The following CRYBG1 variants were observed in gnomAD, a reference collection of about 807,000 sequenced individuals.
The protein encoded by CRYBG1 is beta/gamma crystallin domain-containing protein 1.
In CRYBG1, 139 loss-of-function variants were observed where a neutral mutation model predicts 189.2. The observed-to-expected ratio is 0.73, with a 90% CI of 0.64 to 0.85. CRYBG1 has a LOEUF of 0.85. Ranked by LOEUF, CRYBG1 falls within the 40% of genes least tolerant of loss-of-function variation. The pLI, the probability that CRYBG1 is intolerant of heterozygous loss-of-function variation, is 0.00. For missense variants in CRYBG1, 2,611 were observed against 2,675.8 expected (o/e 0.98, Z 0.53); for synonymous variants, 1,023 against 1,017.1 (o/e 1.01, Z -0.11).
intron 3 of CRYBG1, 137 bp downstream of exon 3, chr6:106,513,176 A>G (rs1201163096): frequency 8.3e-6 from 9 of 1,079,532 alleles, no homozygotes; most frequent in Admixed American, 2.8e-5. Flanking sequence ...AACTTAAGAT[A>G]GTGAAGGGCC....
chr6:106,549,730 G>A (rs1043483510), intron 13 of CRYBG1, among the ~76,000 whole-genome samples: 1 of 152,224 alleles, frequency 6.6e-6, no homozygotes. Flanking sequence ...ATGGCTGGGA[G>A]TGAGTGCACA....
intron 16 of CRYBG1, among the ~76,000 whole-genome samples, chr6:106,554,055 C>A (rs548297871): frequency 6.6e-6 from 1 of 152,220 alleles, no homozygotes; most frequent in South Asian, 2.1e-4. Context: ...ACAGGAAACA[C>A]AAGACCCAGG....
At chr6:106,478,142 A>G (rs888394224) in intron 2 of CRYBG1, among the ~76,000 whole-genome samples, 9 of 152,244 alleles carry the variant, frequency 5.9e-5, no homozygotes, top group Admixed American at 5.9e-4. Flanking sequence ...GGAAGATTTC[A>G]GGATAATCCC....
At chr6:106,515,346 A>G (rs1259494139) in intron 3 of CRYBG1, among the ~76,000 whole-genome samples, 1 of 152,256 alleles carries the variant, frequency 6.6e-6, no homozygotes, top group Non-Finnish European at 1.5e-5. Flanking sequence ...ACAACTTAAT[A>G]GCACAGAAAG....
intron 2 of CRYBG1, among the ~76,000 whole-genome samples, chr6:106,477,264 A>G (rs906328578): frequency 6.6e-6 from 1 of 152,168 alleles, no homozygotes; most frequent in Non-Finnish European, 1.5e-5. Flanking sequence ...TTTAGTCTGT[A>G]TGGGGTACAT....
At position 106,558,517 on chromosome 6, in the gene CRYBG1, A is replaced by G. The variant is rs960226395; in HGVS notation, c.5747A>G (p.Glu1916Gly). The G allele has an allele frequency of 1.9e-6, 3 of 1,608,388 alleles. No individual in the cohort carries two copies. Among genetic ancestry groups the G allele is most frequent in the East Asian group, 2.2e-5 (1 of 44,792 alleles). The change falls in exon 18 of 22, where the codon GAA becomes GGA. Residue 1916 changes from glutamate (E) to glycine (G), a missense_variant. Coordinates refer to ENST00000633556, the MANE Select transcript of CRYBG1 (RefSeq NM_001371242.2). ...EFSEPTIILFEREDFKGKKIE... is the reference protein window; with the variant it reads ...EFSEPTIILFGREDFKGKKIE... Reference sequence around the variant, plus strand: ...TCTGAACCAACAATTATTCTCTTTGAAAGAGAAGACTTCAAAGGAAAAAAG... The same window carrying G: ...TCTGAACCAACAATTATTCTCTTTGGAAGAGAAGACTTCAAAGGAAAAAAG...
intron 1 of CRYBG1, among the ~76,000 whole-genome samples, chr6:106,382,354 G>A (rs60449135): frequency 0.013 from 1,917 of 152,234 alleles, 49 homozygotes; most frequent in African/African-American, 0.044. Context: ...GAAATTCTCT[G>A]GTATGTTGTA....
chr6:106,362,418 T>C (rs939089692), intron 1 of CRYBG1, among the ~76,000 whole-genome samples: 8 of 152,192 alleles, frequency 5.3e-5, no homozygotes, highest in Admixed American at 2.6e-4. Flanking sequence ...TAGTCTCTTG[T>C]GGATACCAAA....
At chr6:106,553,665 T>C (rs1411400548) in intron 16 of CRYBG1, 98 bp downstream of exon 16, 5 of 810,234 alleles carry the variant, frequency 6.2e-6, no homozygotes, top group Non-Finnish European at 8.4e-6. Flanking sequence ...TGCTTGGCAC[T>C]ATGCGAAACC....
intron 2 of CRYBG1, among the ~76,000 whole-genome samples, chr6:106,481,540 C>T (rs1284383114): frequency 6.6e-6 from 1 of 151,214 alleles, no homozygotes; most frequent in Non-Finnish European, 1.5e-5. Flanking sequence ...ATATCTTTAC[C>T]TTCTCTCCTG....
intron 2 of CRYBG1, among the ~76,000 whole-genome samples, chr6:106,494,920 C>T (rs776650367): frequency 9.2e-5 from 14 of 152,094 alleles, no homozygotes; most frequent in East Asian, 1.9e-4. Flanking sequence ...TAAAATTGAC[C>T]TTGTTCACCA....
Position 106,568,863 on chromosome 6 carries a change from A to T in CRYBG1, c.*297A>T. 3.3e-6 allele frequency: 1 copy of T among 299,878 alleles called. No homozygotes were observed. Among genetic ancestry groups the T allele is most frequent in the Non-Finnish European group, 6.3e-6 (1 of 158,474 alleles). The allele number at this position is 299,878 out of a possible 1,614,324, so 18.6% of individuals were successfully genotyped here. ...GGTGATTTTGTAAAATGTTATATCA[A>T]GATTTCAAGACTGTGTACATTTTAA... On this transcript the variant is annotated 3_prime_UTR_variant, in exon 22 of 22. Coordinates refer to ENST00000633556, the MANE Select transcript of CRYBG1 (RefSeq NM_001371242.2).
chr6:106,406,270 G>A (rs575144451), intron 1 of CRYBG1, among the ~76,000 whole-genome samples: 4 of 152,142 alleles, frequency 2.6e-5, no homozygotes, highest in Admixed American at 6.5e-5. Flanking sequence ...GTGGAAGAAA[G>A]GATATCAGAG....
intron 18 of CRYBG1, among the ~76,000 whole-genome samples, chr6:106,558,873 G>C (rs1243850197): frequency 1.3e-5 from 2 of 152,128 alleles, no homozygotes; most frequent in Non-Finnish European, 2.9e-5. Flanking sequence ...TGAGGCCGAA[G>C]GATCACTTGA....
intron 9 of CRYBG1, among the ~76,000 whole-genome samples, chr6:106,540,701 T>G (rs1165149084): frequency 6.6e-6 from 1 of 151,964 alleles, no homozygotes; most frequent in African/African-American, 2.4e-5. Context: ...TTTTTTTTTT[T>G]GCTTGTTTTT....
chr6:106,360,755 C>A lies in CRYBG1; in HGVS notation c.-154C>A. On this transcript the variant is annotated 5_prime_UTR_variant, in exon 1 of 22. Transcript: ENST00000633556. ...CTGCGCTGGGTGCTGGTTCTGCAAC[C>A]CGCGGCCGTCCCCCCGCATCCGCGA... is the stretch of plus-strand genomic sequence containing the variant. 1 of 864,834 alleles carries A rather than the reference C, an allele frequency of 1.2e-6. No individual in the cohort carries two copies. The allele number at this position is 864,834 out of a possible 1,614,324, so 53.6% of individuals were successfully genotyped here.
intron 18 of CRYBG1, among the ~76,000 whole-genome samples, chr6:106,560,086 C>T (rs1040492134): frequency 5.3e-5 from 8 of 151,988 alleles, no homozygotes; most frequent in African/African-American, 1.4e-4. Flanking sequence ...AGAGTGAGAC[C>T]TACCTGGAAA....
At chr6:106,398,446 AAAATAAAT>A (rs534571209) in intron 1 of CRYBG1, among the ~76,000 whole-genome samples, 2 of 151,954 alleles carry the variant, frequency 1.3e-5, no homozygotes, top group Admixed American at 6.6e-5. Flanking sequence ...CTTGTCTCAA[AAAATAAAT>A]AAATAAATAA....
At chr6:106,561,015 C>A in intron 19 of CRYBG1, 89 bp downstream of exon 19, 1 of 1,389,266 alleles carries the variant, frequency 7.2e-7, no homozygotes, top group Non-Finnish European at 9.6e-7. Flanking sequence ...TTTTTTTATT[C>A]AAAGTTTATA....
Sources: gnomAD v4.1 joint callset for allele counts (sites outside exome capture counted in the v4.1 genomes callset) on GRCh38, gnomAD v4.1.1 for gene constraint, MANE v1.5 for transcripts, NCBI Gene and HGNC (gene_info 2026-07-23, HGNC 2026-07-21) for gene names.